Variants in ALDH7A1 observed in about 807,000 individuals in gnomAD.
ALDH7A1 encodes the protein aldehyde dehydrogenase 7 family member A1.
Under a neutral mutation model 79.9 loss-of-function variants are expected in ALDH7A1, and 63 were observed. The observed-to-expected ratio is 0.79, with a 90% confidence interval of 0.64 to 0.97. The LOEUF is 0.97. Ranked by LOEUF, ALDH7A1 falls within the 50% of genes least tolerant of loss-of-function variation. The probability of loss-of-function intolerance (pLI) is 0.00; values close to 1 mark genes in which losing one functional copy is unlikely to be tolerated. For missense variants in ALDH7A1, 627 were observed against 665.2 expected, an observed-to-expected ratio of 0.94 and a Z score of 0.63; for synonymous variants, 240 against 231.2, an observed-to-expected ratio of 1.04 and a Z score of -0.34.
intron 3 of ALDH7A1, 93 bp from the exon 4 acceptor site, chr5:126,584,105 C>T: frequency 9.3e-7 from 1 of 1,076,714 alleles, no homozygotes; most frequent in South Asian, 1.3e-5. Flanking sequence ...GAACAAATTA[C>T]AATCATATCA....
Position 126,543,583 on chromosome 5 carries a change from A to G in ALDH7A1, c.*1382T>C, listed in dbSNP as rs984018500. The G allele has an allele frequency of 7.9e-5, 12 of 152,192 alleles. No homozygotes were observed. The highest frequency in any genetic ancestry group is 1.6e-4 in the Non-Finnish European group (11 of 68,036). 9.4% of individuals were successfully genotyped at this position (152,192 alleles called of 1,614,324 possible). On this transcript the variant is annotated 3_prime_UTR_variant, in exon 18 of 18. Coordinates refer to ENST00000409134, the MANE Select transcript of ALDH7A1 (RefSeq NM_001182.5). ...CATTTGCTTACTTCTCTGGGCCATAATTCAACCCCAAATTATTTGCCATTT... is the reference window on the plus strand; with the variant it reads ...CATTTGCTTACTTCTCTGGGCCATAGTTCAACCCCAAATTATTTGCCATTT...
Position 126,589,785 on chromosome 5 carries a change from G to A in ALDH7A1, c.312+2879C>T, listed in dbSNP as rs577827649. ...CACCCAACTGACTGGGAAGTGAGGA[G>A]CGCCTCTGCTCGGCTGCCCACCATC... On this transcript the variant is annotated intron_variant, in intron 3 of 17. Transcript: ENST00000409134. Among the ~76,000 whole-genome samples, 9 of 151,414 alleles carry A rather than the reference G, an allele frequency of 5.9e-5. No homozygotes were observed. In the East Asian group the frequency reaches 1.8e-3, roughly 30 times the overall value.
intron 5 of ALDH7A1, among the ~76,000 whole-genome samples, chr5:126,579,011 G>A (rs1279715060): frequency 7.6e-6 from 1 of 131,588 alleles, no homozygotes; most frequent in Non-Finnish European, 1.6e-5. Context: ...CCTCTTCCTG[G>A]CAGGGCCTGC....
At chr5:126,589,390 C>G (rs181697983) in intron 3 of ALDH7A1, among the ~76,000 whole-genome samples, 1 of 152,110 alleles carries the variant, frequency 6.6e-6, no homozygotes, top group Non-Finnish European at 1.5e-5. Flanking sequence ...CTCCCAACCT[C>G]AGGTGATCCG....
chr5:126,563,867 C>T (rs926208556), intron 9 of ALDH7A1, among the ~76,000 whole-genome samples: 2 of 152,056 alleles, frequency 1.3e-5, no homozygotes, highest in Non-Finnish European at 1.5e-5. Context: ...TAGCTCACTG[C>T]AGCCTCAATT....
At chr5:126,590,919 G>A (rs1751532613) in intron 3 of ALDH7A1, among the ~76,000 whole-genome samples, 1 of 150,926 alleles carries the variant, frequency 6.6e-6, no homozygotes, top group Non-Finnish European at 1.5e-5. Context: ...CTTTAGGATG[G>A]TATGGAATGC....
chr5:126,578,010 C>T (rs1186809466), intron 5 of ALDH7A1, among the ~76,000 whole-genome samples: 7 of 149,500 alleles, frequency 4.7e-5, no homozygotes, highest in African/African-American at 1.7e-4. Flanking sequence ...GCAGGCCGGG[C>T]GTGGTGGCTC....
chr5:126,593,998 C>T lies in ALDH7A1; in HGVS notation c.193-594G>A, dbSNP rs143434416. 3 of 296,548 alleles carry T rather than the reference C, an allele frequency of 1.0e-5. No homozygotes were observed. In the Admixed American group the frequency reaches 1.3e-4, roughly 13 times the overall value. The allele number at this position is 296,548 out of a possible 1,614,324, so 18.4% of individuals were successfully genotyped here. A position where few individuals can be genotyped will look rare whatever the true frequency, so the allele number is the denominator to read the frequency against. ...AAAAGACGTGTTCCCTCTACCAAGG[C>T]AGGTTCATTATATAATATACAACGT... On this transcript the variant is annotated intron_variant, in intron 1 of 17. Transcript: ENST00000409134.
intron 1 of ALDH7A1, 143 bp from the exon 2 acceptor site, chr5:126,593,547 A>G (rs1751633027): frequency 4.3e-6 from 5 of 1,161,422 alleles, no homozygotes; most frequent in Non-Finnish European, 6.3e-6. Flanking sequence ...CTTCTGTTAC[A>G]TATAAACCAC....
At chr5:126,575,351 G>A in intron 7 of ALDH7A1, 69 bp downstream of exon 7, 1 of 1,470,814 alleles carries the variant, frequency 6.8e-7, no homozygotes. Flanking sequence ...AGATTAAAAA[G>A]TCAGGGCCTA....
At chr5:126,553,297 C>A (rs1345078222) in intron 13 of ALDH7A1, 1 of 152,156 alleles carries the variant, frequency 6.6e-6, no homozygotes, top group Non-Finnish European at 1.5e-5. Flanking sequence ...ATATGGAATA[C>A]TTTTTAAAAT....
Position 126,570,763 on chromosome 5 carries a change from T to A in ALDH7A1, c.773+19A>T. ...CCTGGGGTCCTTCAACAGAGGATGC[T>A]CTCAGCCTAGTAACCTACCCAATAT... On this transcript the variant is annotated intron_variant, in intron 8 of 17. Transcript: ENST00000409134. The A allele has an allele frequency of 1.2e-6, 2 of 1,613,492 alleles. No individual in the cohort carries two copies. The highest frequency in any genetic ancestry group is 1.7e-6 in the Non-Finnish European group (2 of 1,179,454).
intron 14 of ALDH7A1, among the ~76,000 whole-genome samples, chr5:126,551,010 ATTTG>A (rs767081652): frequency 3.9e-5 from 6 of 152,178 alleles, no homozygotes; most frequent in Non-Finnish European, 5.9e-5. Flanking sequence ...GGTTTTATTT[ATTTG>A]TTTGTTTTAG....
chr5:126,594,310 G>T (rs1168466801), intron 1 of ALDH7A1: 3 of 469,812 alleles, frequency 6.4e-6, no homozygotes, highest in Non-Finnish European at 1.3e-5. Flanking sequence ...AAACTACACT[G>T]AAGAACGTTA....
intron 12 of ALDH7A1, chr5:126,554,889 T>G: frequency 4.6e-6 from 1 of 215,842 alleles, no homozygotes; most frequent in Non-Finnish European, 9.3e-6. Flanking sequence ...ACTAGAGCAC[T>G]GACAGTGACC....
chr5:126,593,445 T>A, intron 1 of ALDH7A1, 41 bp from the exon 2 acceptor site: 1 of 1,613,062 alleles, frequency 6.2e-7, no homozygotes, highest in Non-Finnish European at 8.5e-7. Context: ...GAAAACGTAA[T>A]CCCTTTTGAA....
intron 7 of ALDH7A1, 48 bp from the exon 8 acceptor site, chr5:126,570,907 T>A (rs1311980285): frequency 1.3e-6 from 2 of 1,587,302 alleles, no homozygotes; most frequent in Non-Finnish European, 1.7e-6. Context: ...AGGCATTTTT[T>A]TAAAAACAAG....
intron 10 of ALDH7A1, among the ~76,000 whole-genome samples, chr5:126,560,631 T>C (rs879444140): frequency 4.6e-4 from 45 of 97,036 alleles, no homozygotes; most frequent in Non-Finnish European, 9.8e-4. Context: ...AGGTAAGTGA[T>C]TTTTTTAATG....
intron 16 of ALDH7A1, among the ~76,000 whole-genome samples, chr5:126,546,632 T>A (rs925157761): frequency 7.1e-6 from 1 of 140,220 alleles, no homozygotes. Context: ...TAAGAAGAAA[T>A]GGAAACAGAA....
Sources: gnomAD v4.1 joint callset for allele counts (sites outside exome capture counted in the v4.1 genomes callset) on GRCh38, gnomAD v4.1.1 for gene constraint, MANE v1.5 for transcripts, NCBI Gene and HGNC (gene_info 2026-07-23, HGNC 2026-07-21) for gene names.